CCDC85A: variants seen among roughly 807,000 people sequenced by gnomAD.
CCDC85A encodes coiled-coil domain-containing protein 85A.
CCDC85A carries 38 observed loss-of-function variants against 50.2 expected under a neutral mutation model. That is an observed-to-expected ratio of 0.76 (90% CI 0.58 to 0.99). The LOEUF is 0.99. CCDC85A is among the 50% of genes least tolerant of loss of function. The pLI is 0.00. For missense variants in CCDC85A, 820 were observed against 742.0 expected, an observed-to-expected ratio of 1.11 and a Z score of -1.22; for synonymous variants, 366 against 301.4, an observed-to-expected ratio of 1.21 and a Z score of -2.22.
At chr2:56,220,250 C>A (rs187003180) in intron 2 of CCDC85A, among the ~76,000 whole-genome samples, 1 of 149,226 alleles carries the variant, frequency 6.7e-6, no homozygotes, top group Non-Finnish European at 1.5e-5. Flanking sequence ...TCTACTTAAT[C>A]TTAAACTCCT....
At chr2:56,256,999 A>G (rs1343610652) in intron 2 of CCDC85A, among the ~76,000 whole-genome samples, 2 of 152,000 alleles carry the variant, frequency 1.3e-5, no homozygotes, top group African/African-American at 2.4e-5. Context: ...TATAGGGGGA[A>G]CATTCAACTG....
At chr2:56,233,299 A>G (rs1668854634) in intron 2 of CCDC85A, among the ~76,000 whole-genome samples, 1 of 152,192 alleles carries the variant, frequency 6.6e-6, no homozygotes, top group Non-Finnish European at 1.5e-5. Context: ...GGACTGGAAC[A>G]CTGTCTTTCT....
At chr2:56,210,262 G>C (rs190612010) in intron 2 of CCDC85A, among the ~76,000 whole-genome samples, 28 of 152,082 alleles carry the variant, frequency 1.8e-4, no homozygotes, top group African/African-American at 5.8e-4. Context: ...TGTCCCAAAT[G>C]GTGTTTTGAC....
At chr2:56,326,691 A>G (rs553028320) in intron 2 of CCDC85A, among the ~76,000 whole-genome samples, 1 of 152,224 alleles carries the variant, frequency 6.6e-6, no homozygotes, top group Middle Eastern at 3.4e-3. Flanking sequence ...ACCCTGACAC[A>G]TTGTTTAGTT....
chr2:56,238,926 C>T (rs909081038), intron 2 of CCDC85A, among the ~76,000 whole-genome samples: 1 of 152,098 alleles, frequency 6.6e-6, no homozygotes, highest in Non-Finnish European at 1.5e-5. Context: ...TCCTTTATAT[C>T]TCTTTAAAAT....
chr2:56,274,880 G>A (rs1670857203), intron 2 of CCDC85A, among the ~76,000 whole-genome samples: 1 of 152,144 alleles, frequency 6.6e-6, no homozygotes, highest in African/African-American at 2.4e-5. Flanking sequence ...GGTTTTCTCT[G>A]TGGATTACAG....
At chr2:56,186,131 C>T (rs1424369010) in intron 1 of CCDC85A, among the ~76,000 whole-genome samples, 1 of 152,204 alleles carries the variant, frequency 6.6e-6, no homozygotes, top group Non-Finnish European at 1.5e-5. Flanking sequence ...GGCCGAAAGT[C>T]ATTGTCATAT....
intron 2 of CCDC85A, among the ~76,000 whole-genome samples, chr2:56,285,559 TATATAATATA>T (rs940739608): frequency 6.8e-6 from 1 of 146,462 alleles, no homozygotes; most frequent in African/African-American, 2.5e-5. Context: ...TATAACATAA[TATATAATATA>T]ATATAATTAA....
intron 2 of CCDC85A, among the ~76,000 whole-genome samples, chr2:56,227,156 A>G (rs929004748): frequency 1.3e-4 from 20 of 152,154 alleles, no homozygotes; most frequent in Non-Finnish European, 4.4e-5. Flanking sequence ...TGTTGTTTCT[A>G]GTGTAAAAAC....
At chr2:56,369,406 G>A (rs1675965126) in intron 3 of CCDC85A, among the ~76,000 whole-genome samples, 1 of 152,120 alleles carries the variant, frequency 6.6e-6, no homozygotes, top group Admixed American at 6.6e-5. Context: ...TTGATTTCAT[G>A]TTTAAGTACA....
chr2:56,184,499 C>CCTGGGCGGTGCCGCTGA lies in CCDC85A; in HGVS notation c.-123_-107dup. ...CCCCCGCCGCCCCAACCCAGCGGCCCCTGGGCGGTGCCGCTGACTCGCCGG... is the reference window on the plus strand; with the variant it reads ...CCCCCGCCGCCCCAACCCAGCGGCCCCTGGGCGGTGCCGCTGACTGGGCGGTGCCGCTGACTCGCCGG... On this transcript the variant is annotated 5_prime_UTR_variant, in exon 1 of 6. Coordinates refer to ENST00000407595, the MANE Select transcript of CCDC85A (RefSeq NM_001080433.2). 1 of 1,098,956 alleles carries CCTGGGCGGTGCCGCTGA rather than the reference C, an allele frequency of 9.1e-7. No homozygotes were observed. Among genetic ancestry groups the CCTGGGCGGTGCCGCTGA allele is most frequent in the African/African-American group, 1.7e-5 (1 of 60,562 alleles). The allele number at this position is 1,098,956 out of a possible 1,614,324, so 68.1% of individuals were successfully genotyped here. A position where few individuals can be genotyped will look rare whatever the true frequency, so the allele number is the denominator to read the frequency against.
At chr2:56,293,769 C>A (rs141745046) in intron 2 of CCDC85A, among the ~76,000 whole-genome samples, 3,282 of 152,210 alleles carry the variant, frequency 0.022, 109 homozygotes, top group African/African-American at 0.073. Context: ...CATCTCACAC[C>A]AGTTGGAATG....
Position 56,372,391 on chromosome 2 carries a change from G to A in CCDC85A, c.1365G>A (p.Met455Ile). ...RQPPTRNSSN[M>I]EKGWGSRARR... The stretch of plus-strand genomic sequence containing the variant: ...CTCCAACTAGAAACAGCTCAAATAT[G>A]GAGAAAGGCTGGGGGTCCAGAGCCC... The change falls in exon 4 of 6, where the codon ATG becomes ATA. Residue 455 changes from methionine to isoleucine, a missense_variant. Physicochemically the swap from Met to Ile is conservative, Grantham distance 10 (BLOSUM62 1). Transcript: ENST00000407595. 1.3e-6 allele frequency: 2 copies of A among 1,599,750 alleles called. No individual in the cohort carries two copies. Among genetic ancestry groups the A allele is most frequent in the Non-Finnish European group, 1.7e-6 (2 of 1,172,788 alleles).
At chr2:56,316,454 A>C (rs960560970) in intron 2 of CCDC85A, among the ~76,000 whole-genome samples, 2 of 152,128 alleles carry the variant, frequency 1.3e-5, no homozygotes, top group African/African-American at 2.4e-5. Context: ...CAGCCCAGTG[A>C]CTTACCTGAA....
intron 3 of CCDC85A, among the ~76,000 whole-genome samples, chr2:56,347,069 G>T (rs2104333750): frequency 6.6e-6 from 1 of 152,328 alleles, no homozygotes; most frequent in South Asian, 2.1e-4. Context: ...AGGGTGTAAA[G>T]TAGTTTTAAG....
chr2:56,298,046 G>T (rs1187625901), intron 2 of CCDC85A, among the ~76,000 whole-genome samples: 1 of 152,186 alleles, frequency 6.6e-6, no homozygotes, highest in Non-Finnish European at 1.5e-5. Flanking sequence ...ATAAGGTCAT[G>T]CCCCAGGCAT....
At chr2:56,212,097 T>C (rs1677204513) in intron 2 of CCDC85A, among the ~76,000 whole-genome samples, 1 of 152,064 alleles carries the variant, frequency 6.6e-6, no homozygotes, top group Non-Finnish European at 1.5e-5. Flanking sequence ...CAAGTTGGTC[T>C]GGTCATAACT....
At chr2:56,200,290 T>C (rs1226813166) in intron 2 of CCDC85A, among the ~76,000 whole-genome samples, 1 of 152,234 alleles carries the variant, frequency 6.6e-6, no homozygotes, top group Non-Finnish European at 1.5e-5. Context: ...TTGATAGTAC[T>C]TTAATACATA....
Position 56,384,515 on chromosome 2 carries a change from C to T in CCDC85A, c.*160C>T. ...CCCTCTAAAACCTGTAGTACAACTT[C>T]TCCCCTCAAGCTGATATTCTGTGTC... On this transcript the variant is annotated 3_prime_UTR_variant, in exon 6 of 6. Transcript: ENST00000407595. The T allele has an allele frequency of 1.7e-6, 1 of 589,898 alleles. No homozygotes were observed. Among genetic ancestry groups the T allele is most frequent in the Non-Finnish European group, 3.0e-6 (1 of 332,206 alleles). The allele number at this position is 589,898 out of a possible 1,614,324, so 36.5% of individuals were successfully genotyped here. A position where few individuals can be genotyped will look rare whatever the true frequency, so the allele number is the denominator to read the frequency against.
Sources: gnomAD v4.1 joint callset for allele counts (sites outside exome capture counted in the v4.1 genomes callset) on GRCh38, gnomAD v4.1.1 for gene constraint, MANE v1.5 for transcripts, NCBI Gene and HGNC (gene_info 2026-07-23, HGNC 2026-07-21) for gene names.